LPP: variants seen among roughly 807,000 people sequenced by gnomAD.
LPP encodes the protein LIM domain containing preferred translocation partner in lipoma, also known as lipoma-preferred partner.
A neutral mutation model predicts 60.4 loss-of-function variants in LPP; 38 were observed. That is an observed-to-expected ratio of 0.63 (90% confidence interval 0.49 to 0.83). The LOEUF is 0.83. Ranked by LOEUF, LPP falls within the 40% of genes least tolerant of loss-of-function variation. The pLI is 0.00. For synonymous variants in LPP, 328 were observed against 290.8 expected (o/e 1.13, Z -1.30); for missense variants, 902 against 783.6 (o/e 1.15, Z -1.80).
At chr3:188,663,150 A>G (rs774397794) in intron 7 of LPP, among the ~76,000 whole-genome samples, 4 of 152,230 alleles carry the variant, frequency 2.6e-5, no homozygotes, top group Non-Finnish European at 2.9e-5. Context: ...GATTAAAATC[A>G]TTGGAAGGCA....
At chr3:188,860,360 A>G (rs750400846) in intron 9 of LPP, among the ~76,000 whole-genome samples, 1 of 152,250 alleles carries the variant, frequency 6.6e-6, no homozygotes, top group African/African-American at 2.4e-5. Flanking sequence ...ACTGTACCAC[A>G]TTACCATTCT....
chr3:188,713,413 T>G (rs1712446708), intron 8 of LPP, among the ~76,000 whole-genome samples: 1 of 151,484 alleles, frequency 6.6e-6, no homozygotes, highest in African/African-American at 2.4e-5. Context: ...CTGTAAAGGA[T>G]TGGTAACAAA....
At chr3:188,391,443 T>C (rs188747719) in intron 3 of LPP, among the ~76,000 whole-genome samples, 3 of 152,274 alleles carry the variant, frequency 2.0e-5, no homozygotes, top group Non-Finnish European at 2.9e-5. Flanking sequence ...AATATCATTA[T>C]TGCCCATAAG....
intron 7 of LPP, among the ~76,000 whole-genome samples, chr3:188,669,580 A>C (rs1856543418): frequency 6.6e-6 from 1 of 152,260 alleles, no homozygotes; most frequent in East Asian, 1.9e-4. Flanking sequence ...CATCTCAAAA[A>C]AATAAAAAAT....
At chr3:188,846,050 C>T (rs557413121) in intron 9 of LPP, among the ~76,000 whole-genome samples, 22 of 152,176 alleles carry the variant, frequency 1.4e-4, no homozygotes, top group Non-Finnish European at 3.1e-4. Context: ...AGTCATTAGT[C>T]AATGAACACT....
intron 2 of LPP, among the ~76,000 whole-genome samples, chr3:188,329,994 A>C (rs1438846658): frequency 4.6e-5 from 7 of 152,026 alleles, no homozygotes; most frequent in Non-Finnish European, 1.0e-4. Context: ...TTTGCTCCCC[A>C]ATTATTCTCT....
intron 3 of LPP, among the ~76,000 whole-genome samples, chr3:188,371,828 T>C (rs558464462): frequency 9.3e-5 from 14 of 150,234 alleles, no homozygotes; most frequent in Admixed American, 3.3e-4. Context: ...CTAATTATTT[T>C]TGTATATTTA....
chr3:188,549,159 A>G (rs1435239336), intron 6 of LPP, among the ~76,000 whole-genome samples: 1 of 152,242 alleles, frequency 6.6e-6, no homozygotes, highest in Non-Finnish European at 1.5e-5. Flanking sequence ...ATTTAAAAAA[A>G]GCAGTTTCTC....
rs757981493 is a variant in LPP, at chr3:188,760,272, C to A, written c.1400C>A (p.Pro467His). Residue 467 changes from proline to histidine, a missense_variant, in exon 9 of 12, where the codon CCC becomes CAC. Pro to His is a moderately conservative substitution (Grantham distance 77). Coordinates refer to ENST00000617246, the MANE Select transcript of LPP (RefSeq NM_001375462.1). ...GTGGAAAAGAAAGCATACTGCGAGC[C>A]CTGCTACATTGTAAGTTCCAGATTT... is the stretch of plus-strand genomic sequence containing the variant. ...YAVEKKAYCE[P>H]CYINTLEQCN... 2 of 1,613,960 alleles carry A rather than the reference C, an allele frequency of 1.2e-6. No homozygotes were observed. The highest frequency in any genetic ancestry group is 2.2e-5 in the East Asian group (1 of 44,870).
chr3:188,605,109 C>T (rs1329421450), intron 6 of LPP, among the ~76,000 whole-genome samples: 1 of 152,034 alleles, frequency 6.6e-6, no homozygotes, highest in Non-Finnish European at 1.5e-5. Context: ...GATTTTTGAG[C>T]AGGAAAGCAA....
At chr3:188,654,362 A>G (rs767783054) in intron 7 of LPP, among the ~76,000 whole-genome samples, 38 of 152,236 alleles carry the variant, frequency 2.5e-4, no homozygotes, top group Non-Finnish European at 4.9e-4. Context: ...AGGAAATAAC[A>G]TAAGTAGACA....
chr3:188,659,958 G>A (rs2149096503), intron 7 of LPP, among the ~76,000 whole-genome samples: 1 of 151,934 alleles, frequency 6.6e-6, no homozygotes, highest in African/African-American at 2.4e-5. Flanking sequence ...TTCACTTTAT[G>A]TGTAACAGGA....
At chr3:188,830,008 T>TA (rs11360601) in intron 9 of LPP, among the ~76,000 whole-genome samples, 9,266 of 143,966 alleles carry the variant, frequency 0.064, 507 homozygotes, top group African/African-American at 0.15. Flanking sequence ...CCCATCTCAT[T>TA]AAAAAAAAAA....
intron 5 of LPP, 57 bp from the exon 6 acceptor site, chr3:188,524,608 T>A (rs1819928893): frequency 6.5e-7 from 1 of 1,546,288 alleles, no homozygotes; most frequent in Non-Finnish European, 8.7e-7. Context: ...AAATTTGAAC[T>A]TATAATGATA....
chr3:188,198,078 G>A (rs1006497682), intron 1 of LPP, among the ~76,000 whole-genome samples: 3 of 152,202 alleles, frequency 2.0e-5, no homozygotes, highest in African/African-American at 4.8e-5. Flanking sequence ...GTGAAACGTA[G>A]CAAGCGATTG....
intron 8 of LPP, chr3:188,711,460 G>A (rs1711507694): frequency 6.6e-6 from 1 of 152,148 alleles, no homozygotes; most frequent in Non-Finnish European, 1.5e-5. Context: ...ACACCACACT[G>A]TAAAAGATGG....
intron 2 of LPP, among the ~76,000 whole-genome samples, chr3:188,336,592 G>A (rs1408195980): frequency 2.0e-5 from 3 of 152,136 alleles, no homozygotes; most frequent in African/African-American, 7.2e-5. Flanking sequence ...ACCACATGCG[G>A]TAGCAGTACC....
chr3:188,738,866 G>A (rs563239842), intron 8 of LPP, among the ~76,000 whole-genome samples: 5 of 152,018 alleles, frequency 3.3e-5, no homozygotes, highest in South Asian at 4.2e-4. Context: ...TGTAAATATC[G>A]GACTCCTTGT....
chr3:188,770,143 C>T (rs1258416186), intron 9 of LPP, among the ~76,000 whole-genome samples: 1 of 147,190 alleles, frequency 6.8e-6, no homozygotes, highest in African/African-American at 2.5e-5. Context: ...GAGCCTATTC[C>T]TCATTTTCTT....
Sources: gnomAD v4.1 joint callset for allele counts (sites outside exome capture counted in the v4.1 genomes callset) on GRCh38, gnomAD v4.1.1 for gene constraint, MANE v1.5 for transcripts, NCBI Gene and HGNC (gene_info 2026-07-23, HGNC 2026-07-21) for gene names.